SLC13A1: variants seen among roughly 807,000 people sequenced by gnomAD.
SLC13A1 encodes solute carrier family 13 member 1.
A neutral mutation model predicts 70.0 loss-of-function variants in SLC13A1; 65 were observed. The observed-to-expected ratio is 0.93, with a 90% confidence interval of 0.76 to 1.14. The LOEUF is 1.14. SLC13A1 is among the 50% of genes most tolerant of loss of function. The pLI is 0.00. For missense variants in SLC13A1, 726 were observed against 717.8 expected (o/e 1.01, Z -0.13); for synonymous variants, 275 against 250.5 (o/e 1.10, Z -0.92).
At position 123,113,695 on chromosome 7, in the gene SLC13A1, T is replaced by C. The variant is rs982927894; in HGVS notation, c.*1823A>G. On this transcript the variant is annotated 3_prime_UTR_variant, in exon 15 of 15. Transcript: ENST00000194130. Reference sequence around the variant, plus strand: ...TATGGTAGGGAAAGGAACAAATGAATAGAATAAACATAGAAGAGTTATACA... The same window carrying C: ...TATGGTAGGGAAAGGAACAAATGAACAGAATAAACATAGAAGAGTTATACA... 2.6e-5 allele frequency: 4 copies of C among 152,042 alleles called. No individual in the cohort carries two copies. The highest frequency in any genetic ancestry group is 9.7e-5 in the African/African-American group (4 of 41,404). The allele number at this position is 152,042 out of a possible 1,614,324, so 9.4% of individuals were successfully genotyped here.
At chr7:123,187,918 T>C (rs1350035996) in intron 1 of SLC13A1, among the ~76,000 whole-genome samples, 1 of 152,182 alleles carries the variant, frequency 6.6e-6, no homozygotes, top group Admixed American at 6.5e-5. Context: ...CTATGGAAAA[T>C]AGATTTTCTT....
chr7:123,180,325 A>G (rs1259483511), intron 2 of SLC13A1, among the ~76,000 whole-genome samples: 3 of 152,184 alleles, frequency 2.0e-5, no homozygotes, highest in Non-Finnish European at 4.4e-5. Context: ...GATAAATTGC[A>G]CTGACTGGTA....
rs1022917476 is a variant in SLC13A1, at chr7:123,147,283, T to C, written c.688A>G (p.Thr230Ala). ...KNSGMRTKYR[T>A]KKGHVTRKLT... ...TTACGTGTCACGTGGCCCTTCTTTG[T>C]TCGATATTTGGTTCTCATGCCTGAG... The change falls in exon 7 of 15, where the codon ACA (threonine) becomes GCA (alanine). Residue 230 changes from threonine to alanine, a missense_variant. Coordinates refer to ENST00000194130, the MANE Select transcript of SLC13A1 (RefSeq NM_022444.4). 11 of 1,613,416 alleles carry C rather than the reference T, an allele frequency of 6.8e-6. No individual in the cohort carries two copies. The highest frequency in any genetic ancestry group is 1.3e-5 in the African/African-American group (1 of 74,876).
At chr7:123,185,523 A>G (rs1322273288) in intron 1 of SLC13A1, among the ~76,000 whole-genome samples, 1 of 152,064 alleles carries the variant, frequency 6.6e-6, no homozygotes, top group African/African-American at 2.4e-5. Flanking sequence ...CACTAACACC[A>G]TTTATTGAAG....
chr7:123,192,875 A>G (rs1181191450), intron 1 of SLC13A1, among the ~76,000 whole-genome samples: 1 of 152,164 alleles, frequency 6.6e-6, no homozygotes, highest in Non-Finnish European at 1.5e-5. Context: ...AAGTTCAACT[A>G]CAAAGTCAAG....
At chr7:123,133,769 A>T (rs560122730) in intron 8 of SLC13A1, among the ~76,000 whole-genome samples, 33 of 152,030 alleles carry the variant, frequency 2.2e-4, no homozygotes, top group Admixed American at 1.0e-3. Context: ...TGACCACGTG[A>T]TCCAACTGCC....
chr7:123,187,783 TTC>T (rs573006963), intron 1 of SLC13A1, among the ~76,000 whole-genome samples: 38 of 152,384 alleles, frequency 2.5e-4, no homozygotes, highest in African/African-American at 8.7e-4. Context: ...GATGTAGTAT[TTC>T]TTTTTATGAA....
At chr7:123,124,852 G>A (rs962893628) in intron 11 of SLC13A1, among the ~76,000 whole-genome samples, 3 of 152,032 alleles carry the variant, frequency 2.0e-5, no homozygotes, top group African/African-American at 4.8e-5. Context: ...GTTGCCCAGG[G>A]CAGTGGCACA....
At chr7:123,116,334 G>A (rs113929466) in intron 14 of SLC13A1, among the ~76,000 whole-genome samples, 1,881 of 152,178 alleles carry the variant, frequency 0.012, 35 homozygotes, top group African/African-American at 0.041. Context: ...AGTTTTATTG[G>A]ACCACAACTA....
At chr7:123,140,305 C>A (rs1349207812) in intron 7 of SLC13A1, among the ~76,000 whole-genome samples, 1 of 151,870 alleles carries the variant, frequency 6.6e-6, no homozygotes, top group Non-Finnish European at 1.5e-5. Context: ...GATGAATGAT[C>A]TTTTTCATGT....
chr7:123,173,439 T>C (rs1451705014), intron 2 of SLC13A1, among the ~76,000 whole-genome samples: 2 of 152,202 alleles, frequency 1.3e-5, no homozygotes, highest in African/African-American at 4.8e-5. Flanking sequence ...CTATTTCATT[T>C]ATTACTCATT....
intron 7 of SLC13A1, among the ~76,000 whole-genome samples, chr7:123,142,095 T>G (rs1163663913): frequency 6.6e-6 from 1 of 152,148 alleles, no homozygotes; most frequent in Non-Finnish European, 1.5e-5. Context: ...TTATTTTTCA[T>G]GTATAGGGTA....
At chr7:123,163,686 G>C (rs1475695974) in intron 6 of SLC13A1, among the ~76,000 whole-genome samples, 9 of 151,994 alleles carry the variant, frequency 5.9e-5, no homozygotes, top group Non-Finnish European at 5.9e-5. Context: ...GATCCATAGT[G>C]TTGACTTTAA....
At chr7:123,133,279 C>T (rs1243731329) in intron 8 of SLC13A1, among the ~76,000 whole-genome samples, 2 of 152,228 alleles carry the variant, frequency 1.3e-5, no homozygotes, top group East Asian at 3.9e-4. Flanking sequence ...AGAACATCCT[C>T]AGATCTTTAT....
chr7:123,182,198 G>A (rs528426973), intron 1 of SLC13A1, among the ~76,000 whole-genome samples: 1 of 152,256 alleles, frequency 6.6e-6, no homozygotes, highest in South Asian at 2.1e-4. Context: ...GCTGAGCCTT[G>A]AATGGATCTT....
At chr7:123,135,193 A>G (rs1242819205) in intron 7 of SLC13A1, among the ~76,000 whole-genome samples, 1 of 152,200 alleles carries the variant, frequency 6.6e-6, no homozygotes, top group Admixed American at 6.6e-5. Context: ...GTTCTGAAGA[A>G]ATCAACAACT....
chr7:123,128,928 G>A lies in SLC13A1; in HGVS notation c.1050C>T (p.Thr350=), dbSNP rs775425560. 38 of 1,612,702 alleles carry A rather than the reference G, an allele frequency of 2.4e-5. No homozygotes were observed. The highest frequency in any genetic ancestry group is 3.1e-5 in the Non-Finnish European group (36 of 1,179,196). The change falls in exon 10 of 15, where the codon ACC becomes ACT. Residue 350 remains threonine, a synonymous_variant. Coordinates refer to ENST00000194130, the MANE Select transcript of SLC13A1 (RefSeq NM_022444.4). ...GAGCCATTATAATGAAGAGGACCAA[G>A]GTCACAATTTCTTGATACCTGTGGA... is the stretch of plus-strand genomic sequence containing the variant. The part of the protein sequence containing the change: ...LGPIRYQEIV[T]LVLFIIMALL...
chr7:123,177,551 G>C (rs73429539), intron 2 of SLC13A1, among the ~76,000 whole-genome samples: 5,078 of 152,130 alleles, frequency 0.033, 304 homozygotes, highest in African/African-American at 0.11. Context: ...ATTACATTAT[G>C]TACCTGACCT....
At chr7:123,135,007 A>G (rs1169767812) in intron 7 of SLC13A1, among the ~76,000 whole-genome samples, 1 of 152,158 alleles carries the variant, frequency 6.6e-6, no homozygotes, top group Non-Finnish European at 1.5e-5. Flanking sequence ...GCCATGTGAA[A>G]GTACTCTGAT....
Sources: allele counts gnomAD v4.1 joint callset (sites outside exome capture counted in the v4.1 genomes callset), GRCh38; gene constraint gnomAD v4.1.1; transcripts MANE v1.5; gene names NCBI Gene and HGNC (gene_info 2026-07-23, HGNC 2026-07-21).